The following LBP variants were observed in gnomAD, a reference collection of about 807,000 sequenced individuals.
The protein encoded by LBP is lipopolysaccharide-binding protein.
A neutral mutation model predicts 56.6 loss-of-function variants in LBP; 53 were observed. The observed-to-expected ratio is 0.94, with a 90% confidence interval of 0.75 to 1.18. The LOEUF (loss-of-function observed/expected upper bound fraction) is 1.18. LBP is among the 50% of genes most tolerant of loss of function. The probability of loss-of-function intolerance (pLI) is 0.00; values close to 1 mark genes in which losing one functional copy is unlikely to be tolerated. For missense variants in LBP, 601 were observed against 598.3 expected (o/e 1.00, Z -0.05); for synonymous variants, 227 against 247.5 (o/e 0.92, Z 0.78).
intron 13 of LBP, among the ~76,000 whole-genome samples, 195 bp from the exon 14 acceptor site, chr20:38,373,742 G>A (rs1600731824): frequency 1.6e-5 from 2 of 122,444 alleles, no homozygotes; most frequent in Non-Finnish European, 3.5e-5. Flanking sequence ...CCTAGAACAA[G>A]TTACTTGGCC....
chr20:38,371,318 T>C lies in LBP; in HGVS notation c.1256T>C (p.Phe419Ser), dbSNP rs1390364044. The C allele has an allele frequency of 2.5e-6, 4 of 1,604,210 alleles. No individual in the cohort carries two copies. The highest frequency in any genetic ancestry group is 3.4e-6 in the Non-Finnish European group (4 of 1,171,536). ...CTGAAAGAATCCAAAGTTGGACTAT[T>C]CAATGTAAGTTGTTTTTATTGATGA... ...VELKESKVGL[F>S]NAELLEALLN... Residue 419 changes from phenylalanine to serine, a missense_variant, in exon 12 of 15, where the codon TTC (phenylalanine) becomes TCC (serine). Phe to Ser is a radical substitution (Grantham distance 155, BLOSUM62 -2). Coordinates refer to ENST00000217407, the MANE Select transcript of LBP (RefSeq NM_004139.5).
intron 14 of LBP, among the ~76,000 whole-genome samples, chr20:38,374,644 C>T (rs1600732286): frequency 6.6e-6 from 1 of 151,470 alleles, no homozygotes; most frequent in Non-Finnish European, 1.5e-5. Context: ...ACTGTAAGTC[C>T]TAGACGTAGC....
chr20:38,372,980 T>G lies in LBP; in HGVS notation c.1261-92T>G. 4 of 1,001,782 alleles carry G rather than the reference T, an allele frequency of 4.0e-6. No individual in the cohort carries two copies. The South Asian group carries it at 5.2e-5, about 13-fold the overall frequency. The allele number at this position is 1,001,782 out of a possible 1,614,324, so 62.1% of individuals were successfully genotyped here. On this transcript the variant is annotated intron_variant, in intron 12 of 14. Coordinates refer to ENST00000217407, the MANE Select transcript of LBP (RefSeq NM_004139.5). ...ATAGTAGCATGATGTAATACTAGTT[T>G]GCTTTTCCCAAGCGTTTTGCTATGT... is the stretch of plus-strand genomic sequence containing the variant.
chr20:38,350,763 T>G (rs775947329), intron 2 of LBP, 48 bp from the exon 3 acceptor site: 7 of 1,569,128 alleles, frequency 4.5e-6, no homozygotes, highest in Non-Finnish European at 6.1e-6. Flanking sequence ...CTGGTGAGGC[T>G]GGGTCCAGGC....
Position 38,363,989 on chromosome 20 carries a change from G to A in LBP, c.667G>A (p.Asp223Asn), listed in dbSNP as rs201924118. ...LQTLPVTTEI[D>N]SFADIDYSLV... ...CTCATTCACAGTTACAACAGAGATT[G>A]ACAGTTTCGCCGACATTGATTATAG... is the stretch of plus-strand genomic sequence containing the variant. The change falls in exon 7 of 15, where the codon GAC (aspartate) becomes AAC (asparagine). Residue 223 changes from aspartate (D) to asparagine (N), a missense_variant. Coordinates refer to ENST00000217407, the MANE Select transcript of LBP (RefSeq NM_004139.5). The A allele has an allele frequency of 1.9e-5, 30 of 1,613,340 alleles. 1 individual carries two copies. The highest frequency in any genetic ancestry group is 2.2e-5 in the Non-Finnish European group (26 of 1,179,294).
chr20:38,360,484 A>G (rs982203213), intron 5 of LBP, among the ~76,000 whole-genome samples: 1 of 152,158 alleles, frequency 6.6e-6, no homozygotes, highest in African/African-American at 2.4e-5. Context: ...CCTGGGACAG[A>G]CTGAAAAGTC....
chr20:38,360,700 T>C lies in LBP; in HGVS notation c.589-4T>C, dbSNP rs1485583781. ...CTCAGTCATTCTCTTCCCATGTTTT[T>C]CAGATTTGCGAAATGATCCAGAAAT... On this transcript the variant is annotated splice_polypyrimidine_tract_variant and splice_region_variant and intron_variant, in intron 5 of 14. Transcript: ENST00000217407. 1.2e-6 allele frequency: 2 copies of C among 1,610,340 alleles called. No homozygotes were observed. The highest frequency in any genetic ancestry group is 2.2e-5 in the South Asian group (2 of 90,988).
At chr20:38,348,799 T>TTTAGTTTAGTTTTG in intron 1 of LBP, among the ~76,000 whole-genome samples, 1 of 151,894 alleles carries the variant, frequency 6.6e-6, no homozygotes, top group African/African-American at 2.4e-5. Flanking sequence ...TTTTGTTTTG[T>TTTAGTTTAGTTTTG]TTTGTTTTGT....
At chr20:38,362,403 A>T (rs1185734657) in intron 6 of LBP, among the ~76,000 whole-genome samples, 1 of 146,282 alleles carries the variant, frequency 6.8e-6, no homozygotes, top group African/African-American at 2.5e-5. Flanking sequence ...ACCTGAGGTC[A>T]GGAGTTCGAG....
At position 38,367,963 on chromosome 20, in the gene LBP, G is replaced by T. The variant is rs150738928; in HGVS notation, c.982-1032G>T. Among the ~76,000 whole-genome samples the T allele has an allele frequency of 1.4e-4, 22 of 152,072 alleles. No individual in the cohort carries two copies. The East Asian group carries it at 1.5e-3, about 11-fold the overall frequency. ...TCCTAGCACTCTGGGAGGCCAAAGT[G>T]GGGGGGTAGCTTGAGGCCAGGAGTT... On this transcript the variant is annotated intron_variant, in intron 9 of 14. Coordinates refer to ENST00000217407, the MANE Select transcript of LBP (RefSeq NM_004139.5).
At chr20:38,370,571 G>C (rs5744214) in intron 10 of LBP, among the ~76,000 whole-genome samples, 167 bp from the exon 11 acceptor site, 2,039 of 151,976 alleles carry the variant, frequency 0.013, 17 homozygotes, top group Middle Eastern at 0.048. Flanking sequence ...AATATTGTTT[G>C]AGCACCTACA....
intron 14 of LBP, among the ~76,000 whole-genome samples, chr20:38,375,111 T>TTA (rs2122630963): frequency 6.6e-6 from 1 of 151,990 alleles, no homozygotes; most frequent in East Asian, 1.9e-4. Context: ...CTATATATGT[T>TTA]TACAAAAATT....
In LBP at chr20:38,364,197, G is replaced by A. The variant is rs921464852; in HGVS notation, c.744+131G>A. 10 of 671,350 alleles carry A rather than the reference G, an allele frequency of 1.5e-5. No homozygotes were observed. In the African/African-American group the frequency reaches 1.6e-4, roughly 11 times the overall value. 41.6% of individuals were successfully genotyped at this position (671,350 alleles called of 1,614,324 possible). A position where few individuals can be genotyped will look rare whatever the true frequency, so the allele number is the denominator to read the frequency against. Reference sequence around the variant, plus strand: ...TGGTTCCCGCTTTGTCAAGGGCCGGGTGATATGGAGTGGTGGGGAGTGTTT... The same window carrying A: ...TGGTTCCCGCTTTGTCAAGGGCCGGATGATATGGAGTGGTGGGGAGTGTTT... On this transcript the variant is annotated intron_variant, in intron 7 of 14. Coordinates refer to ENST00000217407, the MANE Select transcript of LBP (RefSeq NM_004139.5).
At position 38,376,931 on chromosome 20, in the gene LBP, T is replaced by A; in HGVS notation, c.*262T>A. 1.6e-6 allele frequency: 1 copy of A among 627,494 alleles called. No homozygotes were observed. The highest frequency in any genetic ancestry group is 3.0e-6 in the Non-Finnish European group (1 of 336,978). The allele number at this position is 627,494 out of a possible 1,614,324, so 38.9% of individuals were successfully genotyped here. On this transcript the variant is annotated 3_prime_UTR_variant, in exon 15 of 15. Coordinates refer to ENST00000217407, the MANE Select transcript of LBP (RefSeq NM_004139.5). ...GATATCTTTACAAGCAGGCACTGTA[T>A]TTTTTTATTCGCCATCTGATCCCCA...
At chr20:38,370,098 G>T (rs1328557761) in intron 10 of LBP, among the ~76,000 whole-genome samples, 3 of 152,184 alleles carry the variant, frequency 2.0e-5, no homozygotes, top group East Asian at 3.9e-4. Flanking sequence ...TACTGTCTGG[G>T]TGTGGTGGCT....
At chr20:38,350,142 C>A (rs371362664) in intron 2 of LBP, among the ~76,000 whole-genome samples, 1 of 152,142 alleles carries the variant, frequency 6.6e-6, no homozygotes, top group Non-Finnish European at 1.5e-5. Context: ...TTTAAAAGAG[C>A]GTGAACTGCT....
intron 3 of LBP, among the ~76,000 whole-genome samples, chr20:38,352,233 A>G (rs1568827408): frequency 2.0e-5 from 3 of 152,236 alleles, no homozygotes; most frequent in South Asian, 2.1e-4. Context: ...GAGCTTCAAC[A>G]TCTGAATTTG....
In LBP at chr20:38,373,313, T is replaced by C. The variant is rs11536992; in HGVS notation, c.1324+178T>C. Reference sequence around the variant, plus strand: ...ATCGTTGAAGTTGGCCTCATCTCCCTCCAGGGCTCTAATGAGGGTTGGGGG... The same window carrying C: ...ATCGTTGAAGTTGGCCTCATCTCCCCCCAGGGCTCTAATGAGGGTTGGGGG... On this transcript the variant is annotated intron_variant, in intron 13 of 14. Transcript: ENST00000217407. Among the ~76,000 whole-genome samples, 832 of 152,210 alleles carry C rather than the reference T, an allele frequency of 5.5e-3. 10 individuals are homozygous for C. The highest frequency in any genetic ancestry group is 0.019 in the African/African-American group (802 of 41,532).
chr20:38,371,382 G>GC (rs1441102951), intron 12 of LBP, 60 bp downstream of exon 12: 46 of 1,274,612 alleles, frequency 3.6e-5, no homozygotes, highest in Non-Finnish European at 5.0e-5. Flanking sequence ...TGTTTCCTAA[G>GC]CAATTGCTAT....
Sources: gnomAD v4.1 joint callset for allele counts (sites outside exome capture counted in the v4.1 genomes callset) on GRCh38, gnomAD v4.1.1 for gene constraint, MANE v1.5 for transcripts, NCBI Gene and HGNC (gene_info 2026-07-23, HGNC 2026-07-21) for gene names.